Variants in FAM120A observed in about 807,000 individuals in gnomAD.
FAM120A encodes constitutive coactivator of PPAR-gamma-like protein 1.
A neutral mutation model predicts 109.7 loss-of-function variants in FAM120A; 15 were observed. The observed-to-expected ratio is 0.14, with a 90% confidence interval of 0.09 to 0.21. FAM120A has a LOEUF of 0.21. Ranked by LOEUF, FAM120A falls within the 10% of genes least tolerant of loss-of-function variation. The probability of loss-of-function intolerance (pLI) is 1.00; values close to 1 mark genes in which losing one functional copy is unlikely to be tolerated. For missense variants in FAM120A, 899 were observed against 1,439.3 expected (o/e 0.62, Z 6.07); for synonymous variants, 493 against 572.8 (o/e 0.86, Z 1.99).
Position 93,543,356 on chromosome 9 carries a change from G to C in FAM120A, c.2044G>C (p.Glu682Gln). ...LKRLWLGKAV[E>Q]DKNRRMRAFL... ...GAGGCTGTGGTTGGGTAAGGCGGTAGAGGACAAGAACCGCAGGATGAGGGC... is the reference window on the plus strand; with the variant it reads ...GAGGCTGTGGTTGGGTAAGGCGGTACAGGACAAGAACCGCAGGATGAGGGC... The change falls in exon 11 of 18, where the codon GAG becomes CAG. Residue 682 changes from glutamate (E) to glutamine (Q), a missense_variant. By Grantham distance (29) the Glu-to-Gln change is conservative. Coordinates refer to ENST00000277165, the MANE Select transcript of FAM120A (RefSeq NM_014612.5). The C allele has an allele frequency of 1.9e-6, 3 of 1,614,210 alleles. No individual in the cohort carries two copies. The highest frequency in any genetic ancestry group is 2.5e-6 in the Non-Finnish European group (3 of 1,180,016).
At chr9:93,539,721 A>C (rs1206498918) in intron 10 of FAM120A, among the ~76,000 whole-genome samples, 1 of 152,208 alleles carries the variant, frequency 6.6e-6, no homozygotes, top group Non-Finnish European at 1.5e-5. Context: ...CTGTGGATTG[A>C]ATAATACCGT....
At position 93,532,810 on chromosome 9, in the gene FAM120A, G is replaced by A. The variant is rs568771768; in HGVS notation, c.1909+481G>A. Among the ~76,000 whole-genome samples the A allele has an allele frequency of 2.0e-5, 3 of 152,178 alleles. No individual in the cohort carries two copies. Among genetic ancestry groups the A allele is most frequent in the Non-Finnish European group, 4.4e-5 (3 of 68,038 alleles). On this transcript the variant is annotated intron_variant, in intron 10 of 17. Transcript: ENST00000277165. The surrounding 1 kb of genome is among the most constrained non-coding windows in gnomAD (Gnocchi z 4.3). ...TGGCTCTGCAGCTGTAGCGAAGGTC[G>A]TGGGACTCACGGATCGTCGCAGGAT... is the stretch of plus-strand genomic sequence containing the variant.
At chr9:93,562,907 C>T (rs1862522394) in intron 17 of FAM120A, among the ~76,000 whole-genome samples, 3 of 152,148 alleles carry the variant, frequency 2.0e-5, no homozygotes, top group Admixed American at 6.5e-5. Flanking sequence ...TCAGGTGATC[C>T]GCCCGCCTTG....
chr9:93,523,408 G>A, intron 7 of FAM120A: 1 of 964,704 alleles, frequency 1.0e-6, no homozygotes, highest in Non-Finnish European at 1.4e-6. Flanking sequence ...TGTAACTGTA[G>A]GTTTTTCTTT....
At chr9:93,476,446 A>G in intron 3 of FAM120A, 108 bp downstream of exon 3, 2 of 732,532 alleles carry the variant, frequency 2.7e-6, no homozygotes, top group South Asian at 1.7e-5. Context: ...AAAGTTAGCA[A>G]TACCATGTTT....
intron 15 of FAM120A, among the ~76,000 whole-genome samples, chr9:93,559,740 A>G (rs1256733813): frequency 6.6e-6 from 1 of 152,194 alleles, no homozygotes; most frequent in African/African-American, 2.4e-5. Context: ...GCTGGCCTGT[A>G]GTTGGGATCA....
At chr9:93,521,436 G>A (rs1860840584) in intron 7 of FAM120A, among the ~76,000 whole-genome samples, 1 of 151,996 alleles carries the variant, frequency 6.6e-6, no homozygotes, top group Non-Finnish European at 1.5e-5. Flanking sequence ...TTAAAAATTA[G>A]CCAGACATGG....
chr9:93,528,628 G>C (rs532791838), intron 8 of FAM120A, among the ~76,000 whole-genome samples: 2 of 152,156 alleles, frequency 1.3e-5, no homozygotes, highest in Non-Finnish European at 2.9e-5. Flanking sequence ...TACAGAATGG[G>C]TGTTTTCACC....
Position 93,451,828 on chromosome 9 carries a change from C to T in FAM120A, c.-88C>T. ...TCCCCCCTAGAGGCCGCCGCCCCCGCCCGCCAGCCCGCCCGCGCGCCACGG... is the reference window on the plus strand; with the variant it reads ...TCCCCCCTAGAGGCCGCCGCCCCCGTCCGCCAGCCCGCCCGCGCGCCACGG... On this transcript the variant is annotated 5_prime_UTR_variant, in exon 1 of 18. Coordinates refer to ENST00000277165, the MANE Select transcript of FAM120A (RefSeq NM_014612.5). The T allele has an allele frequency of 2.1e-6, 2 of 966,090 alleles. No homozygotes were observed. Among genetic ancestry groups the T allele is most frequent in the Non-Finnish European group, 2.5e-6 (2 of 815,814 alleles). 59.8% of individuals were successfully genotyped at this position (966,090 alleles called of 1,614,324 possible).
At chr9:93,502,758 C>T (rs964179131) in intron 5 of FAM120A, among the ~76,000 whole-genome samples, 2 of 152,192 alleles carry the variant, frequency 1.3e-5, no homozygotes, top group African/African-American at 4.8e-5. Flanking sequence ...TTCTTTCTGT[C>T]TCAGCATGTA....
chr9:93,524,956 G>A (rs892390692), intron 7 of FAM120A, among the ~76,000 whole-genome samples: 2 of 152,024 alleles, frequency 1.3e-5, no homozygotes, highest in African/African-American at 4.8e-5. Flanking sequence ...GGTATTATTA[G>A]TTGTGTAAAA....
intron 7 of FAM120A, among the ~76,000 whole-genome samples, chr9:93,520,069 G>A (rs1014970263): frequency 9.9e-5 from 15 of 152,094 alleles, no homozygotes; most frequent in African/African-American, 2.9e-4. Context: ...ATGGGGTACC[G>A]CTGTATTGCC....
intron 5 of FAM120A, among the ~76,000 whole-genome samples, chr9:93,510,530 T>A (rs1860269295): frequency 6.6e-6 from 1 of 152,240 alleles, no homozygotes; most frequent in Admixed American, 6.5e-5. Context: ...AGGTTGTGCT[T>A]TTCCAAAACC....
chr9:93,527,031 G>A, intron 7 of FAM120A, 124 bp from the exon 8 acceptor site: 2 of 701,444 alleles, frequency 2.9e-6, no homozygotes, highest in South Asian at 1.8e-5. Flanking sequence ...GTTATTTCTC[G>A]ATGTTGTGTT....
chr9:93,470,148 GT>G (rs1239167167), intron 1 of FAM120A, among the ~76,000 whole-genome samples: 1 of 152,206 alleles, frequency 6.6e-6, no homozygotes, highest in Non-Finnish European at 1.5e-5. Context: ...CCTGTGGAGA[GT>G]TAATACTCCA....
intron 16 of FAM120A, 41 bp downstream of exon 16, chr9:93,561,291 G>A (rs544751736): frequency 6.4e-7 from 1 of 1,552,750 alleles, no homozygotes; most frequent in South Asian, 1.2e-5. Context: ...TATAAGTAAA[G>A]AAAACAGCTT....
At chr9:93,549,233 A>G (rs767513970) in intron 11 of FAM120A, among the ~76,000 whole-genome samples, 1 of 152,230 alleles carries the variant, frequency 6.6e-6, no homozygotes, top group Non-Finnish European at 1.5e-5. Context: ...ATAGAAATGT[A>G]ACATTTGCTG....
intron 8 of FAM120A, among the ~76,000 whole-genome samples, chr9:93,528,869 AT>A (rs1861202412): frequency 6.8e-6 from 1 of 147,654 alleles, no homozygotes; most frequent in Non-Finnish European, 1.5e-5. Context: ...TTAGAATTCC[AT>A]TTCTATGTGT....
rs17615777 is a variant in FAM120A at position 93,456,408 on chromosome 9, C to T, written c.474+4019C>T. Among the ~76,000 whole-genome samples the T allele has an allele frequency of 6.7e-3, 1,017 of 152,208 alleles. 16 individuals are homozygous for T. The South Asian group carries it at 0.077, about 12-fold the overall frequency. ...TAAATAATGCTCTTACATAAAATGGCGTTCATGCTATAAGTCAGTGGAAGA... is the reference window on the plus strand; with the variant it reads ...TAAATAATGCTCTTACATAAAATGGTGTTCATGCTATAAGTCAGTGGAAGA... On this transcript the variant is annotated intron_variant, in intron 1 of 17. Coordinates refer to ENST00000277165, the MANE Select transcript of FAM120A (RefSeq NM_014612.5).
Sources: gnomAD v4.1 joint callset for allele counts (sites outside exome capture counted in the v4.1 genomes callset) on GRCh38, gnomAD v4.1.1 for gene constraint, Gnocchi (gnomAD v3.1) non-coding constraint, MANE v1.5 for transcripts, NCBI Gene and HGNC (gene_info 2026-07-23, HGNC 2026-07-21) for gene names.